Variants in FER observed in about 807,000 individuals in gnomAD.
FER encodes the protein FER tyrosine kinase.
Under a neutral mutation model 111.0 loss-of-function variants are expected in FER, and 63 were observed. The ratio of observed to expected loss-of-function variants is 0.57; its 90% CI spans 0.46 to 0.70. FER has a LOEUF of 0.70. FER is among the 30% of genes least tolerant of loss of function. The pLI, the probability that FER is intolerant of heterozygous loss-of-function variation, is 0.00. For synonymous variants in FER, 327 were observed against 313.9 expected (o/e 1.04, Z -0.44); for missense variants, 914 against 954.0 (o/e 0.96, Z 0.55).
At chr5:108,844,999 T>TATATAC (rs1761763648) in intron 5 of FER, among the ~76,000 whole-genome samples, 6 of 12,122 alleles carry the variant, frequency 4.9e-4, no homozygotes, top group Non-Finnish European at 9.5e-4. Context: ...TGTGTGTGTA[T>TATATAC]ATATATATAT....
intron 16 of FER, among the ~76,000 whole-genome samples, chr5:109,077,562 A>G (rs966262017): frequency 1.2e-4 from 18 of 152,160 alleles, no homozygotes; most frequent in African/African-American, 3.9e-4. Context: ...CATAGTATCA[A>G]TTTGTTATGG....
intron 13 of FER, among the ~76,000 whole-genome samples, chr5:109,008,321 C>T (rs1329610218): frequency 2.6e-4 from 39 of 152,068 alleles, no homozygotes; most frequent in Non-Finnish European, 4.4e-5. Context: ...CTAATTGATT[C>T]CTCTCCCCAT....
At chr5:109,128,034 A>G (rs1331116233) in intron 17 of FER, among the ~76,000 whole-genome samples, 1 of 152,170 alleles carries the variant, frequency 6.6e-6, no homozygotes, top group Non-Finnish European at 1.5e-5. Context: ...AAAACCGTTA[A>G]TCAGAAATTT....
At chr5:109,084,639 C>T (rs1319960965) in intron 16 of FER, among the ~76,000 whole-genome samples, 1 of 151,888 alleles carries the variant, frequency 6.6e-6, no homozygotes, top group African/African-American at 2.4e-5. Context: ...CCCTACCCCT[C>T]TTTTGTGTGG....
At chr5:108,943,736 A>AT (rs1161910710) in intron 10 of FER, among the ~76,000 whole-genome samples, 2 of 151,392 alleles carry the variant, frequency 1.3e-5, no homozygotes, top group Non-Finnish European at 2.9e-5. Context: ...GTTTGTTTTT[A>AT]TTTTTTGTTT....
intron 13 of FER, among the ~76,000 whole-genome samples, chr5:108,984,034 C>T (rs961171523): frequency 6.6e-5 from 10 of 152,078 alleles, no homozygotes; most frequent in East Asian, 1.9e-4. Flanking sequence ...AAAACAGACA[C>T]GGTGCCTACT....
At chr5:109,141,339 A>G (rs1753503487) in intron 17 of FER, among the ~76,000 whole-genome samples, 1 of 152,252 alleles carries the variant, frequency 6.6e-6, no homozygotes, top group Admixed American at 6.5e-5. Context: ...ATACTTGAAG[A>G]TAAAGGCAGC....
intron 5 of FER, among the ~76,000 whole-genome samples, chr5:108,860,262 G>A (rs1043515224): frequency 6.0e-5 from 9 of 150,834 alleles, no homozygotes; most frequent in African/African-American, 2.2e-4. Context: ...TGTTTTTAAT[G>A]CTTTATAGGA....
intron 16 of FER, among the ~76,000 whole-genome samples, chr5:109,080,070 G>T (rs1776817149): frequency 6.6e-6 from 1 of 152,000 alleles, no homozygotes; most frequent in South Asian, 2.1e-4. Flanking sequence ...AATGAATAAA[G>T]TGTATCTAGA....
Position 108,803,601 on chromosome 5 carries a change from T to C in FER, c.207+5212T>C, listed in dbSNP as rs568158554. 2.1e-3 allele frequency among the ~76,000 whole-genome samples: 314 copies of C among 152,246 alleles called. 3 individuals carry two copies. Among genetic ancestry groups the C allele is most frequent in the African/African-American group, 7.0e-3 (291 of 41,568 alleles). On this transcript the variant is annotated intron_variant, in intron 3 of 19. Coordinates refer to ENST00000281092, the MANE Select transcript of FER (RefSeq NM_005246.4). ...TTTATTAAATAGGGAGTTCTTTCCC[T>C]GTTGCTTATTTTTGATGAAAGATCA...
At chr5:109,056,624 G>A (rs1456158835) in intron 16 of FER, among the ~76,000 whole-genome samples, 1 of 152,144 alleles carries the variant, frequency 6.6e-6, no homozygotes, top group African/African-American at 2.4e-5. Flanking sequence ...TATGTAGAAT[G>A]ATCAAGTCTA....
intron 2 of FER, among the ~76,000 whole-genome samples, chr5:108,795,500 T>C (rs1392398412): frequency 6.6e-6 from 1 of 151,980 alleles, no homozygotes; most frequent in Non-Finnish European, 1.5e-5. Flanking sequence ...ATTTCCCCTT[T>C]TGAGGCTATT....
At chr5:109,047,395 A>T (rs112190951) in intron 16 of FER, among the ~76,000 whole-genome samples, 197 bp downstream of exon 16, 12 of 152,308 alleles carry the variant, frequency 7.9e-5, no homozygotes, top group Admixed American at 2.0e-4. Flanking sequence ...GAAAATGTCA[A>T]CTGCTTTTTT....
At chr5:108,916,172 A>G (rs1752238222) in intron 10 of FER, among the ~76,000 whole-genome samples, 1 of 152,216 alleles carries the variant, frequency 6.6e-6, no homozygotes, top group South Asian at 2.1e-4. Flanking sequence ...TATTGAACCA[A>G]TCTTACCTAA....
chr5:109,088,150 G>A (rs1777770025), intron 16 of FER, among the ~76,000 whole-genome samples: 2 of 151,820 alleles, frequency 1.3e-5, no homozygotes, highest in South Asian at 2.1e-4. Flanking sequence ...TACATATTAC[G>A]GGTCATGGCC....
At chr5:108,898,568 TCCCTCCCTTCCCCTCCCCTC>T (rs1012217549) in intron 10 of FER, among the ~76,000 whole-genome samples, 1 of 114,806 alleles carries the variant, frequency 8.7e-6, no homozygotes, top group Non-Finnish European at 1.8e-5. Context: ...TCCCTTCCCT[TCCCTCCCTTCCCCTCCCCTC>T]CCCTCCCTTC....
At chr5:108,798,098 T>G in intron 2 of FER, 26 bp from the exon 3 acceptor site, 1 of 917,446 alleles carries the variant, frequency 1.1e-6, no homozygotes, top group Non-Finnish European at 1.6e-6. Context: ...TATTTAAGAG[T>G]TTTTCTCTTT....
In FER at chr5:109,020,012, ATG is replaced by A. The variant is rs1767717361; in HGVS notation, c.1657-17406_1657-17405del. On this transcript the variant is annotated intron_variant, in intron 13 of 19. Transcript: ENST00000281092. ...AAGGTAACTTTTAATCCAAAATAAA[ATG>A]TGTCTTACTGCTTTGCAGTGCAACT... Among the ~76,000 whole-genome samples the A allele has an allele frequency of 3.3e-5, 5 of 152,064 alleles. No homozygotes were observed. In the South Asian group the frequency reaches 1.0e-3, roughly 31 times the overall value.
At chr5:109,134,329 G>A (rs548318556) in intron 17 of FER, among the ~76,000 whole-genome samples, 2 of 152,090 alleles carry the variant, frequency 1.3e-5, no homozygotes, top group African/African-American at 2.4e-5. Flanking sequence ...AAAACATAAA[G>A]TTTCAAATTT....
Sources: gnomAD v4.1 joint callset for allele counts (sites outside exome capture counted in the v4.1 genomes callset) on GRCh38, gnomAD v4.1.1 for gene constraint, MANE v1.5 for transcripts, NCBI Gene and HGNC (gene_info 2026-07-23, HGNC 2026-07-21) for gene names.